Variants in NEDD4 observed in about 807,000 individuals in gnomAD.
The protein encoded by NEDD4 is E3 ubiquitin-protein ligase NEDD4.
Under a neutral mutation model 144.9 loss-of-function variants are expected in NEDD4, and 99 were observed. The ratio of observed to expected loss-of-function variants is 0.68; its 90% CI spans 0.58 to 0.81. The LOEUF (loss-of-function observed/expected upper bound fraction) is 0.81. Ranked by LOEUF, NEDD4 falls within the 30% of genes least tolerant of loss-of-function variation. NEDD4 has a pLI of 0.00. For synonymous variants in NEDD4, 318 were observed against 350.6 expected (o/e 0.91, Z 1.04); for missense variants, 985 against 1,065.9 (o/e 0.92, Z 1.06).
intron 5 of NEDD4, among the ~76,000 whole-genome samples, chr15:55,888,331 C>G (rs533384343): frequency 6.6e-6 from 1 of 152,198 alleles, no homozygotes; most frequent in South Asian, 2.1e-4. Context: ...TTTCTCAATG[C>G]CAAGAGTAAA....
chr15:55,866,195 T>G (rs1243826053), intron 8 of NEDD4, among the ~76,000 whole-genome samples: 1 of 152,108 alleles, frequency 6.6e-6, no homozygotes, highest in East Asian at 1.9e-4. Flanking sequence ...ATTACCAGCG[T>G]GAGCCACTGT....
intron 5 of NEDD4, among the ~76,000 whole-genome samples, chr15:55,875,787 T>A (rs949700859): frequency 2.6e-5 from 4 of 151,932 alleles, no homozygotes; most frequent in African/African-American, 9.7e-5. Flanking sequence ...TTTCAAGCAG[T>A]CTGACGTATG....
chr15:55,971,088 T>C (rs1208127261), intron 1 of NEDD4, among the ~76,000 whole-genome samples: 1 of 152,056 alleles, frequency 6.6e-6, no homozygotes, highest in Non-Finnish European at 1.5e-5. Context: ...AACAAAGAGA[T>C]TAAAAACCTC....
At chr15:55,971,144 T>G (rs1417429097) in intron 1 of NEDD4, among the ~76,000 whole-genome samples, 3 of 152,018 alleles carry the variant, frequency 2.0e-5, no homozygotes, top group Non-Finnish European at 4.4e-5. Flanking sequence ...GTTGAAAAAA[T>G]TAATTGGCAA....
At chr15:55,947,733 C>G (rs530493357) in intron 4 of NEDD4, among the ~76,000 whole-genome samples, 1 of 152,256 alleles carries the variant, frequency 6.6e-6, no homozygotes, top group East Asian at 1.9e-4. Flanking sequence ...CAGAAAAGGC[C>G]TTTGACAAAA....
At chr15:55,986,750 C>T (rs1189029206) in intron 1 of NEDD4, among the ~76,000 whole-genome samples, 7 of 110,154 alleles carry the variant, frequency 6.4e-5, no homozygotes, top group South Asian at 6.7e-4. Context: ...CCACCACACC[C>T]GGCTAATTTT....
At chr15:55,919,315 T>C (rs969349868) in intron 5 of NEDD4, among the ~76,000 whole-genome samples, 1 of 152,136 alleles carries the variant, frequency 6.6e-6, no homozygotes, top group African/African-American at 2.4e-5. Flanking sequence ...TTGAAGTTGA[T>C]CCAGCCGCCA....
At chr15:55,899,837 G>A (rs144858093) in intron 5 of NEDD4, among the ~76,000 whole-genome samples, 1 of 152,194 alleles carries the variant, frequency 6.6e-6, no homozygotes, top group Non-Finnish European at 1.5e-5. Flanking sequence ...TAGTGCAAAT[G>A]AGGTTCTGAA....
chr15:55,947,737 G>T (rs2037149058), intron 4 of NEDD4, among the ~76,000 whole-genome samples: 1 of 152,286 alleles, frequency 6.6e-6, no homozygotes, highest in East Asian at 1.9e-4. Context: ...AAAGGCCTTT[G>T]ACAAAATTCA....
chr15:55,937,783 A>G (rs548581837), intron 4 of NEDD4, among the ~76,000 whole-genome samples: 1 of 152,332 alleles, frequency 6.6e-6, no homozygotes, highest in African/African-American at 2.4e-5. Context: ...TACACTCACC[A>G]AAATTCCAAT....
chr15:55,871,286 A>C (rs529200998), intron 7 of NEDD4, among the ~76,000 whole-genome samples: 3 of 152,346 alleles, frequency 2.0e-5, no homozygotes, highest in African/African-American at 7.2e-5. Flanking sequence ...ATGTCTTTTC[A>C]ATTGGAAAAG....
chr15:55,881,640 C>CA (rs1157170741), intron 5 of NEDD4, among the ~76,000 whole-genome samples: 1 of 151,712 alleles, frequency 6.6e-6, no homozygotes, highest in East Asian at 1.9e-4. Flanking sequence ...TTAAAAAAAA[C>CA]AAAAACAAAA....
intron 13 of NEDD4, 56 bp downstream of exon 13, chr15:55,852,368 T>C (rs1165374699): frequency 1.9e-6 from 3 of 1,559,752 alleles, no homozygotes; most frequent in Non-Finnish European, 1.7e-6. Flanking sequence ...ATAGTTTACA[T>C]AGGGATGTGA....
intron 5 of NEDD4, among the ~76,000 whole-genome samples, chr15:55,913,651 T>A (rs1268815360): frequency 1.3e-5 from 2 of 152,026 alleles, no homozygotes; most frequent in Non-Finnish European, 1.5e-5. Flanking sequence ...ACAAAAAATA[T>A]TTAAGTTAGC....
chr15:55,930,140 C>G (rs1207466045), intron 4 of NEDD4, among the ~76,000 whole-genome samples: 1 of 152,098 alleles, frequency 6.6e-6, no homozygotes, highest in East Asian at 1.9e-4. Flanking sequence ...AGCTAGCCAT[C>G]TACTTTTTAA....
chr15:55,847,021 G>C lies in NEDD4; in HGVS notation c.1556C>G (p.Ser519Cys). ...VAITGPAVPY[S>C]RDYKRKYEFF... ...CTCATACTTTCTTTTGTAATCCCTG[G>C]AGTAGGGCACTGCCTTTAGTTGGAA... Residue 519 changes from serine (S) to cysteine (C), a missense_variant, in exon 18 of 29, where the codon TCC (serine) becomes TGC (cysteine). Physicochemically the swap from Ser to Cys is moderately radical, Grantham distance 112. Coordinates refer to ENST00000435532, the MANE Select transcript of NEDD4 (RefSeq NM_006154.4). 6.2e-7 allele frequency: 1 copy of C among 1,607,222 alleles called. No homozygotes were observed. The highest frequency in any genetic ancestry group is 8.5e-7 in the Non-Finnish European group (1 of 1,175,994).
intron 4 of NEDD4, among the ~76,000 whole-genome samples, chr15:55,949,317 A>C (rs2037185818): frequency 1.3e-5 from 2 of 152,186 alleles, no homozygotes; most frequent in Admixed American, 6.5e-5. Context: ...GCTGGAGAGG[A>C]TGTGGAGAAA....
intron 12 of NEDD4, among the ~76,000 whole-genome samples, chr15:55,852,896 T>C (rs2034050226): frequency 6.6e-6 from 1 of 151,822 alleles, no homozygotes; most frequent in African/African-American, 2.4e-5. Context: ...ATTACAGGCA[T>C]GTGCTAACAC....
At chr15:55,913,076 T>C (rs554565915) in intron 5 of NEDD4, among the ~76,000 whole-genome samples, 1 of 152,184 alleles carries the variant, frequency 6.6e-6, no homozygotes, top group South Asian at 2.1e-4. Flanking sequence ...TAGCTAAACA[T>C]ATAAGAAAAG....
Sources: allele counts gnomAD v4.1 joint callset (sites outside exome capture counted in the v4.1 genomes callset), GRCh38; gene constraint gnomAD v4.1.1; transcripts MANE v1.5; gene names NCBI Gene and HGNC (gene_info 2026-07-23, HGNC 2026-07-21).